Variants in CCDC85A observed in about 807,000 individuals in gnomAD.
CCDC85A encodes coiled-coil domain containing 85A.
Under a neutral mutation model 50.2 loss-of-function variants are expected in CCDC85A, and 38 were observed. That is an observed-to-expected ratio of 0.76 (90% CI 0.58 to 0.99). CCDC85A has a LOEUF of 0.99. Among genes scored for constraint, CCDC85A ranks in the 50% least tolerant of loss-of-function variants. The pLI, the probability that CCDC85A is intolerant of heterozygous loss-of-function variation, is 0.00. For synonymous variants in CCDC85A, 366 were observed against 301.4 expected (o/e 1.21, Z -2.22); for missense variants, 820 against 742.0 (o/e 1.11, Z -1.22).
intron 2 of CCDC85A, among the ~76,000 whole-genome samples, chr2:56,226,236 C>T (rs1668536838): frequency 6.6e-6 from 1 of 152,162 alleles, no homozygotes; most frequent in Non-Finnish European, 1.5e-5. Context: ...TTAATTTCCT[C>T]ATCCATAAAA....
At chr2:56,358,161 C>T (rs1398257030) in intron 3 of CCDC85A, among the ~76,000 whole-genome samples, 1 of 152,206 alleles carries the variant, frequency 6.6e-6, no homozygotes, top group East Asian at 1.9e-4. Flanking sequence ...ACTACCTCCA[C>T]CACCATCAGC....
chr2:56,260,459 T>C (rs1055098664), intron 2 of CCDC85A, among the ~76,000 whole-genome samples: 1 of 152,214 alleles, frequency 6.6e-6, no homozygotes, highest in Non-Finnish European at 1.5e-5. Flanking sequence ...GTGGAGCAAA[T>C]TTATTCAAGT....
At chr2:56,353,239 A>C (rs1675046665) in intron 3 of CCDC85A, among the ~76,000 whole-genome samples, 4 of 152,242 alleles carry the variant, frequency 2.6e-5, no homozygotes. Flanking sequence ...GTGTGCTCAC[A>C]CGCTAGTCTA....
At chr2:56,231,148 C>T (rs1251035267) in intron 2 of CCDC85A, among the ~76,000 whole-genome samples, 4 of 152,142 alleles carry the variant, frequency 2.6e-5, no homozygotes, top group Non-Finnish European at 4.4e-5. Context: ...ATATGATATT[C>T]GGCTGCTCAT....
chr2:56,247,359 T>A (rs567246581), intron 2 of CCDC85A, among the ~76,000 whole-genome samples: 4 of 152,210 alleles, frequency 2.6e-5, no homozygotes, highest in African/African-American at 4.8e-5. Context: ...TCTTTTTTTT[T>A]ATTCCTGGGG....
intron 5 of CCDC85A, 88 bp from the exon 6 acceptor site, chr2:56,384,178 G>C (rs190259314): frequency 1.8e-6 from 2 of 1,126,404 alleles, no homozygotes; most frequent in African/African-American, 1.6e-5. Context: ...CTTCATCTTC[G>C]CTCCTCTCTT....
At chr2:56,344,934 A>T (rs1428989471) in intron 3 of CCDC85A, among the ~76,000 whole-genome samples, 2 of 152,160 alleles carry the variant, frequency 1.3e-5, no homozygotes, top group Non-Finnish European at 2.9e-5. Context: ...CTTATCAAAA[A>T]AAAAAAGAGG....
intron 2 of CCDC85A, among the ~76,000 whole-genome samples, chr2:56,256,203 A>G (rs80014966): frequency 6.6e-6 from 1 of 152,232 alleles, no homozygotes; most frequent in Admixed American, 6.5e-5. Context: ...AATTAAAAAC[A>G]ATAGTAAATG....
intron 3 of CCDC85A, among the ~76,000 whole-genome samples, chr2:56,367,582 A>T (rs1187931042): frequency 6.6e-6 from 1 of 152,108 alleles, no homozygotes; most frequent in South Asian, 2.1e-4. Context: ...AGTGCATTTT[A>T]AGATATTTGG....
intron 3 of CCDC85A, among the ~76,000 whole-genome samples, chr2:56,361,173 G>C (rs572755820): frequency 6.6e-6 from 1 of 152,014 alleles, no homozygotes; most frequent in Admixed American, 6.5e-5. Context: ...AGAATGGCGC[G>C]AACCCAGGAG....
At chr2:56,259,514 G>T (rs1670132277) in intron 2 of CCDC85A, among the ~76,000 whole-genome samples, 2 of 152,180 alleles carry the variant, frequency 1.3e-5, no homozygotes, top group African/African-American at 4.8e-5. Context: ...GGTGAAGGTA[G>T]AATTAGTTAT....
At chr2:56,281,326 G>A (rs1047616696) in intron 2 of CCDC85A, among the ~76,000 whole-genome samples, 3 of 151,882 alleles carry the variant, frequency 2.0e-5, no homozygotes, top group Non-Finnish European at 4.4e-5. Context: ...GTTTATATAC[G>A]GTTTTGTTGA....
At chr2:56,351,392 G>A (rs1314339227) in intron 3 of CCDC85A, among the ~76,000 whole-genome samples, 1 of 147,708 alleles carries the variant, frequency 6.8e-6, no homozygotes, top group Non-Finnish European at 1.5e-5. Context: ...GGGTCAAATG[G>A]TATTTCCAGT....
At chr2:56,342,814 A>G (rs1319237107) in intron 2 of CCDC85A, 65 bp from the exon 3 acceptor site, 1 of 1,050,814 alleles carries the variant, frequency 9.5e-7, no homozygotes, top group African/African-American at 1.6e-5. Context: ...CAAGCCAGAA[A>G]TATCCTGACA....
rs566848612 is a variant in CCDC85A at position 56,263,149 on chromosome 2, T to C, written c.1240+69709T>C. ...TGGGCACTGTGACATCCTATAGAAA[T>C]ACAGTATAATCCTAAAGACAGAGTT... is the stretch of plus-strand genomic sequence containing the variant. On this transcript the variant is annotated intron_variant, in intron 2 of 5. Coordinates refer to ENST00000407595, the MANE Select transcript of CCDC85A (RefSeq NM_001080433.2). 3.3e-3 allele frequency among the ~76,000 whole-genome samples: 506 copies of C among 152,246 alleles called. 9 individuals carry two copies. Among genetic ancestry groups the C allele is most frequent in the African/African-American group, 0.012 (489 of 41,544 alleles).
chr2:56,215,536 T>A (rs757495945), intron 2 of CCDC85A, among the ~76,000 whole-genome samples: 1 of 151,604 alleles, frequency 6.6e-6, no homozygotes, highest in Non-Finnish European at 1.5e-5. Context: ...TTTTAAAAAA[T>A]CAAGTTGAGG....
Position 56,184,401 on chromosome 2 carries a change from G to T in CCDC85A, c.-224G>T, listed in dbSNP as rs972973688. ...GGACGGGCCTCGGCAGCAGCAAGCG[G>T]CTGGCTGCCGGGCCCTGGGGGAGCG... On this transcript the variant is annotated 5_prime_UTR_variant, in exon 1 of 6. Transcript: ENST00000407595. 18 of 514,880 alleles carry T rather than the reference G, an allele frequency of 3.5e-5. No individual in the cohort carries two copies. In the East Asian group the frequency reaches 8.0e-4, roughly 23 times the overall value. The allele number at this position is 514,880 out of a possible 1,614,324, so 31.9% of individuals were successfully genotyped here.
intron 2 of CCDC85A, among the ~76,000 whole-genome samples, chr2:56,275,656 A>G (rs896515444): frequency 4.6e-5 from 7 of 152,194 alleles, no homozygotes; most frequent in Non-Finnish European, 1.0e-4. Flanking sequence ...GACCCATGTA[A>G]TGTTCTAGTT....
chr2:56,251,315 C>T (rs1249917383), intron 2 of CCDC85A, among the ~76,000 whole-genome samples: 1 of 152,092 alleles, frequency 6.6e-6, no homozygotes, highest in African/African-American at 2.4e-5. Flanking sequence ...TTGTTGAACA[C>T]ATGGATGTAT....
Sources: allele counts gnomAD v4.1 joint callset (sites outside exome capture counted in the v4.1 genomes callset), GRCh38; gene constraint gnomAD v4.1.1; transcripts MANE v1.5; gene names NCBI Gene and HGNC (gene_info 2026-07-23, HGNC 2026-07-21).